The following ST8SIA1 variants were observed in gnomAD, a reference collection of about 807,000 sequenced individuals.
ST8SIA1 encodes alpha-N-acetylneuraminide alpha-2,8-sialyltransferase.
ST8SIA1 carries 16 observed loss-of-function variants against 35.9 expected under a neutral mutation model. That is an observed-to-expected ratio of 0.45 (90% CI 0.30 to 0.68). The LOEUF (loss-of-function observed/expected upper bound fraction) is 0.68, where lower values mean the gene tolerates loss of function less well. ST8SIA1 is among the 30% of genes least tolerant of loss of function. ST8SIA1 has a pLI of 0.09. For synonymous variants in ST8SIA1, 170 were observed against 169.6 expected, an observed-to-expected ratio of 1.00 and a Z score of -0.02; for missense variants, 383 against 453.6, an observed-to-expected ratio of 0.84 and a Z score of 1.41.
At chr12:22,295,580 T>C (rs1866234024) in intron 1 of ST8SIA1, among the ~76,000 whole-genome samples, 1 of 151,620 alleles carries the variant, frequency 6.6e-6, no homozygotes, top group Non-Finnish European at 1.5e-5. Flanking sequence ...AAAAAAAATT[T>C]TTAATTAGCC....
At chr12:22,215,187 T>C (rs1865222150) in intron 4 of ST8SIA1, among the ~76,000 whole-genome samples, 1 of 152,150 alleles carries the variant, frequency 6.6e-6, no homozygotes, top group Non-Finnish European at 1.5e-5. Context: ...AAAAATTTGC[T>C]CAAAAGTGCA....
At chr12:22,250,592 T>TGTA (rs1035879353) in intron 3 of ST8SIA1, 1 of 152,204 alleles carries the variant, frequency 6.6e-6, no homozygotes, top group Non-Finnish European at 1.5e-5. Flanking sequence ...ATCATTTACT[T>TGTA]GTAGGTAAAG....
At chr12:22,235,892 CCACACACACA>C (rs3831855) in intron 4 of ST8SIA1, among the ~76,000 whole-genome samples, 1 of 149,400 alleles carries the variant, frequency 6.7e-6, no homozygotes, top group South Asian at 2.1e-4. Context: ...ATTCCCTTCA[CCACACACACA>C]CACACACACA....
intron 1 of ST8SIA1, among the ~76,000 whole-genome samples, chr12:22,332,135 C>T (rs1415118349): frequency 6.6e-6 from 1 of 152,094 alleles, no homozygotes; most frequent in Non-Finnish European, 1.5e-5. Flanking sequence ...AGCAATGGTG[C>T]CTTTTACATG....
At chr12:22,311,120 C>A (rs1866444631) in intron 1 of ST8SIA1, among the ~76,000 whole-genome samples, 1 of 152,142 alleles carries the variant, frequency 6.6e-6, no homozygotes, top group Non-Finnish European at 1.5e-5. Context: ...ATCACTCATT[C>A]ATTCATTCAC....
At chr12:22,322,203 G>A (rs1198097790) in intron 1 of ST8SIA1, among the ~76,000 whole-genome samples, 1 of 152,176 alleles carries the variant, frequency 6.6e-6, no homozygotes, top group Non-Finnish European at 1.5e-5. Context: ...TGAAAGCTAA[G>A]GCAAACCTGT....
Position 22,259,756 on chromosome 12 carries a change from G to A in ST8SIA1, c.382-4367C>T, listed in dbSNP as rs1393450873. Reference sequence around the variant, plus strand: ...GCTGGGATTACAGGCATGAGCCACCGCGCCCGGCCAAAAATACTATGGATT... The same window carrying A: ...GCTGGGATTACAGGCATGAGCCACCACGCCCGGCCAAAAATACTATGGATT... On this transcript the variant is annotated intron_variant, in intron 2 of 4. Coordinates refer to ENST00000396037, the MANE Select transcript of ST8SIA1 (RefSeq NM_003034.4). 3.9e-5 allele frequency among the ~76,000 whole-genome samples: 6 copies of A among 152,070 alleles called. No homozygotes were observed. In the East Asian group the frequency reaches 9.6e-4, roughly 24 times the overall value.
intron 1 of ST8SIA1, among the ~76,000 whole-genome samples, chr12:22,296,643 C>G (rs1866247833): frequency 6.6e-6 from 1 of 152,164 alleles, no homozygotes. Flanking sequence ...TTCTGTTCGT[C>G]TGTTAATGGC....
chr12:22,219,008 C>G (rs1865266473), intron 4 of ST8SIA1, among the ~76,000 whole-genome samples: 1 of 151,986 alleles, frequency 6.6e-6, no homozygotes, highest in Non-Finnish European at 1.5e-5. Flanking sequence ...AGAATGGAAT[C>G]CCACCAAAAT....
intron 1 of ST8SIA1, among the ~76,000 whole-genome samples, chr12:22,294,684 T>C (rs1266288071): frequency 6.6e-6 from 1 of 152,230 alleles, no homozygotes; most frequent in African/African-American, 2.4e-5. Context: ...CATGTGTAAT[T>C]TGTGTTTCTC....
Position 22,195,730 on chromosome 12 carries a change from C to A in ST8SIA1, c.*5822G>T, listed in dbSNP as rs1182304237. 1 of 152,172 alleles carries A rather than the reference C, an allele frequency of 6.6e-6. No individual in the cohort carries two copies. Among genetic ancestry groups the A allele is most frequent in the Non-Finnish European group, 1.5e-5 (1 of 68,030 alleles). The allele number at this position is 152,172 out of a possible 1,614,324, so 9.4% of individuals were successfully genotyped here. On this transcript the variant is annotated 3_prime_UTR_variant, in exon 5 of 5. Coordinates refer to ENST00000396037, the MANE Select transcript of ST8SIA1 (RefSeq NM_003034.4). ...GCTGAACTCTCTTCTGAGATCACTC[C>A]CAATCATCTTTTCAAATTAAAACCA...
intron 1 of ST8SIA1, among the ~76,000 whole-genome samples, chr12:22,294,419 C>A (rs969632093): frequency 6.6e-6 from 1 of 152,286 alleles, no homozygotes; most frequent in South Asian, 2.1e-4. Flanking sequence ...CTATCAAAAT[C>A]TCTTAAATTG....
intron 1 of ST8SIA1, among the ~76,000 whole-genome samples, chr12:22,296,454 C>A (rs1866244828): frequency 6.6e-6 from 1 of 152,162 alleles, no homozygotes; most frequent in Admixed American, 6.5e-5. Context: ...CTCTAACCAG[C>A]CCCGTCAAGC....
At chr12:22,216,140 A>G (rs1375825361) in intron 4 of ST8SIA1, among the ~76,000 whole-genome samples, 1 of 152,148 alleles carries the variant, frequency 6.6e-6, no homozygotes, top group Non-Finnish European at 1.5e-5. Context: ...CCACAGTTTA[A>G]TTTCAGGTTA....
intron 4 of ST8SIA1, among the ~76,000 whole-genome samples, chr12:22,224,492 G>T (rs1865333618): frequency 6.6e-6 from 1 of 151,718 alleles, no homozygotes; most frequent in Non-Finnish European, 1.5e-5. Flanking sequence ...GTATTTTTTA[G>T]TAGAGACAGG....
chr12:22,264,019 G>A (rs1228711998), intron 2 of ST8SIA1, among the ~76,000 whole-genome samples: 4 of 151,880 alleles, frequency 2.6e-5, no homozygotes, highest in Non-Finnish European at 2.9e-5. Flanking sequence ...ATTGCATTCC[G>A]ACCCTTTTCT....
intron 1 of ST8SIA1, among the ~76,000 whole-genome samples, chr12:22,288,932 A>G (rs767382750): frequency 2.0e-5 from 3 of 152,118 alleles, no homozygotes; most frequent in East Asian, 1.9e-4. Context: ...GTCTCACTCT[A>G]TTGCCCAGGC....
At chr12:22,333,864 G>C (rs777198750) in intron 1 of ST8SIA1, 133 bp downstream of exon 1, 4 of 875,188 alleles carry the variant, frequency 4.6e-6, no homozygotes, top group East Asian at 2.4e-5. Flanking sequence ...CAAATGGAGG[G>C]AAAGGACATG....
At chr12:22,314,428 C>A (rs1170902686) in intron 1 of ST8SIA1, among the ~76,000 whole-genome samples, 2 of 152,116 alleles carry the variant, frequency 1.3e-5, no homozygotes, top group Non-Finnish European at 2.9e-5. Flanking sequence ...GGGAGGATCA[C>A]TTGAAGACAA....
Sources: gnomAD v4.1 joint callset for allele counts (sites outside exome capture counted in the v4.1 genomes callset) on GRCh38, gnomAD v4.1.1 for gene constraint, MANE v1.5 for transcripts, NCBI Gene and HGNC (gene_info 2026-07-23, HGNC 2026-07-21) for gene names.